KPNA7: variants seen among roughly 807,000 people sequenced by gnomAD.
KPNA7 encodes the protein importin subunit alpha-8.
Under a neutral mutation model 53.7 loss-of-function variants are expected in KPNA7, and 54 were observed. The ratio of observed to expected loss-of-function variants is 1.01; its 90% confidence interval spans 0.81 to 1.26. KPNA7 has a LOEUF of 1.26. Ranked by LOEUF, KPNA7 falls within the 50% of genes most tolerant of loss-of-function variation. The pLI, the probability that KPNA7 is intolerant of heterozygous loss-of-function variation, is 0.00. For synonymous variants in KPNA7, 276 were observed against 259.3 expected (o/e 1.06, Z -0.62); for missense variants, 640 against 644.5 (o/e 0.99, Z 0.07).
chr7:99,212,073 C>G (rs533144543), upstream of KPNA7, among the ~76,000 whole-genome samples: 14 of 151,970 alleles, frequency 9.2e-5, no homozygotes, highest in Non-Finnish European at 1.9e-4. Flanking sequence ...CTATCTCAGG[C>G]TTTAGATTTC....
the KPNA7 span, among the ~76,000 whole-genome samples, chr7:99,160,174 G>A: frequency 2.7e-4 from 41 of 151,586 alleles, no homozygotes; most frequent in African/African-American, 5.1e-4. Context: ...ACAGGTGCCC[G>A]CCACCATGCT....
At chr7:99,218,249 G>A (rs1563095448) in intron 1 of KPNA7, among the ~76,000 whole-genome samples, 2 of 152,128 alleles carry the variant, frequency 1.3e-5, no homozygotes, top group African/African-American at 4.8e-5. Context: ...AGCCTCCTGA[G>A]TAGCTAGGAC....
chr7:99,193,670 A>ATT (rs71515265), intron 5 of KPNA7, among the ~76,000 whole-genome samples: 99 of 144,606 alleles, frequency 6.8e-4, no homozygotes, highest in African/African-American at 1.3e-3. Context: ...GCAGCCTTTT[A>ATT]TTTTTTTTTT....
At chr7:99,194,072 G>A (rs1489856798) in intron 5 of KPNA7, among the ~76,000 whole-genome samples, 1 of 152,118 alleles carries the variant, frequency 6.6e-6, no homozygotes, top group Non-Finnish European at 1.5e-5. Flanking sequence ...TACTGTTTCT[G>A]CTGACTCAGT....
rs1479737213 is a variant in KPNA7 at position 99,178,760 on chromosome 7, T to C, written c.1318-694A>G. Among the ~76,000 whole-genome samples the C allele has an allele frequency of 4.4e-5, 4 of 90,158 alleles. No individual in the cohort carries two copies. In the Admixed American group the frequency reaches 7.4e-4, roughly 17 times the overall value. 59.1% of individuals were successfully genotyped at this position (90,158 alleles called of 152,430 possible). ...TATGAGCCACTGCATTTGGCCCAAA[T>C]ATCTTTGTCTCAAAAAAAAAAAAAA... On this transcript the variant is annotated intron_variant, in intron 9 of 10. Transcript: ENST00000327442.
Position 99,182,034 on chromosome 7 carries a change from C to CA in KPNA7, c.1165dup (p.Trp389LeufsTer37). The CA allele has an allele frequency of 6.5e-7, 1 of 1,544,084 alleles. No homozygotes were observed. Among genetic ancestry groups the CA allele is most frequent in the African/African-American group, 1.4e-5 (1 of 72,998 alleles). ...CCCTGTTGCAAAGTTCGCCACCATCCAGACAGCCTCTTTCTGGACTTTAAA... is the reference window on the plus strand; with the variant it reads ...CCCTGTTGCAAAGTTCGCCACCATCCAAGACAGCCTCTTTCTGGACTTTAAA... On this transcript the variant is annotated frameshift_variant, in exon 9 of 11. Coordinates refer to ENST00000327442, the MANE Select transcript of KPNA7 (RefSeq NM_001145715.3). LOFTEE classifies it high-confidence loss of function.
At chr7:99,173,877 C>CA in intron 10 of KPNA7, 83 bp from the exon 11 acceptor site, 1 of 788,750 alleles carries the variant, frequency 1.3e-6, no homozygotes. Context: ...CACCTTGTAA[C>CA]AAAATTGACC....
rs535894533 is a variant in KPNA7, at chr7:99,197,719, T to C, written c.202-1553A>G. ...CACTAAAGGGGCTTAACAGCAGATT[T>C]AAGCAGACATAATAAAGCAGCAGTG... On this transcript the variant is annotated intron_variant, in intron 3 of 10. Transcript: ENST00000327442. 3.2e-4 allele frequency among the ~76,000 whole-genome samples: 48 copies of C among 152,344 alleles called. No homozygotes were observed. In the East Asian group the frequency reaches 9.1e-3, roughly 29 times the overall value.
chr7:99,185,202 A>G, intron 7 of KPNA7, 40 bp from the exon 8 acceptor site: 1 of 1,409,774 alleles, frequency 7.1e-7, no homozygotes, highest in South Asian at 1.2e-5. Flanking sequence ...TTTCAAGTCT[A>G]TCCCAGGAGA....
chr7:99,207,846 G>T (rs1790901724), intron 1 of KPNA7, among the ~76,000 whole-genome samples, 182 bp downstream of exon 1: 1 of 151,650 alleles, frequency 6.6e-6, no homozygotes, highest in Non-Finnish European at 1.5e-5. Context: ...ACGTTGGCCA[G>T]GCTGGTCTTG....
downstream of KPNA7, among the ~76,000 whole-genome samples, chr7:99,172,790 T>A (rs936213933): frequency 1.3e-5 from 2 of 151,776 alleles, no homozygotes; most frequent in East Asian, 3.9e-4. Context: ...AGACCAGGCA[T>A]GTTGGCTCAC....
chr7:99,204,452 G>A (rs1790695386), intron 2 of KPNA7, among the ~76,000 whole-genome samples: 1 of 152,092 alleles, frequency 6.6e-6, no homozygotes, highest in South Asian at 2.1e-4. Context: ...ATAGTATTAA[G>A]AATCCTGAGG....
chr7:99,188,505 G>A lies in KPNA7; in HGVS notation c.695C>T (p.Pro232Leu), dbSNP rs1789757614. The A allele has an allele frequency of 1.3e-6, 2 of 1,551,722 alleles. No homozygotes were observed. Among genetic ancestry groups the A allele is most frequent in the Admixed American group, 2.0e-5 (1 of 50,988 alleles). Reference protein sequence around the residue: ...TLSNLCRNKNPYPCDTAVKQI... With the variant: ...TLSNLCRNKNLYPCDTAVKQI... ...CTTCACCGCAGTGTCGCAAGGGTAT[G>A]GGTTCTTGTTTCGGCACAGATTCGA... Residue 232 changes from proline to leucine, a missense_variant, in exon 7 of 11, where the codon CCA (proline) becomes CTA (leucine). Physicochemically the swap from Pro to Leu is moderately conservative, Grantham distance 98. Coordinates refer to ENST00000327442, the MANE Select transcript of KPNA7 (RefSeq NM_001145715.3).
the KPNA7 span, among the ~76,000 whole-genome samples, chr7:99,151,215 G>A: frequency 1.1e-4 from 17 of 152,052 alleles, no homozygotes; most frequent in African/African-American, 1.4e-4. Flanking sequence ...AGCCAACACC[G>A]TCTGTGTGTC....
chr7:99,179,318 A>T (rs1209794645), intron 9 of KPNA7, among the ~76,000 whole-genome samples: 1 of 151,952 alleles, frequency 6.6e-6, no homozygotes, highest in Non-Finnish European at 1.5e-5. Context: ...GCACTTTGGG[A>T]GGCCGAGGTG....
At chr7:99,173,918 T>C in intron 10 of KPNA7, 124 bp from the exon 11 acceptor site, 1 of 619,324 alleles carries the variant, frequency 1.6e-6, no homozygotes, top group Admixed American at 2.9e-5. Flanking sequence ...GGTAGCTTAG[T>C]AGCAATTAAG....
chr7:99,169,778 C>A (rs929131428), downstream of KPNA7, among the ~76,000 whole-genome samples: 13 of 151,832 alleles, frequency 8.6e-5, no homozygotes, highest in African/African-American at 3.1e-4. Flanking sequence ...CAGTGGCTCA[C>A]GCCTGTAATC....
intron 3 of KPNA7, 126 bp from the exon 4 acceptor site, chr7:99,196,292 G>C: frequency 1.5e-6 from 1 of 659,480 alleles, no homozygotes; most frequent in South Asian, 1.8e-5. Context: ...CTTGCATGCT[G>C]TTCTATATTT....
At chr7:99,218,594 G>C (rs909112129) in intron 1 of KPNA7, among the ~76,000 whole-genome samples, 1 of 152,126 alleles carries the variant, frequency 6.6e-6, no homozygotes, top group African/African-American at 2.4e-5. Context: ...AGAGTAAACA[G>C]ACCCCTGCAC....
Sources: allele counts gnomAD v4.1 joint callset (sites outside exome capture counted in the v4.1 genomes callset), GRCh38; gene constraint gnomAD v4.1.1; transcripts MANE v1.5; gene names NCBI Gene and HGNC (gene_info 2026-07-23, HGNC 2026-07-21).